The following ADGRB3 variants were observed in gnomAD, a reference collection of about 807,000 sequenced individuals.
ADGRB3 encodes the protein adhesion G protein-coupled receptor B3, also known as brain-specific angiogenesis inhibitor 3.
Under a neutral mutation model 193.4 loss-of-function variants are expected in ADGRB3, and 37 were observed. The ratio of observed to expected loss-of-function variants is 0.19; its 90% CI spans 0.15 to 0.25. The LOEUF is 0.25. ADGRB3 is among the 10% of genes least tolerant of loss of function. The pLI, the probability that ADGRB3 is intolerant of heterozygous loss-of-function variation, is 1.00. For missense variants in ADGRB3, 1,637 were observed against 1,852.9 expected (o/e 0.88, Z 2.14); for synonymous variants, 690 against 644.2 (o/e 1.07, Z -1.08).
chr6:69,214,783 AC>A (rs1310564459), intron 17 of ADGRB3, among the ~76,000 whole-genome samples: 1 of 151,510 alleles, frequency 6.6e-6, no homozygotes, highest in Non-Finnish European at 1.5e-5. Flanking sequence ...AATGGCAAAA[AC>A]CACAATTACA....
intron 17 of ADGRB3, among the ~76,000 whole-genome samples, chr6:69,198,487 T>C (rs892116552): frequency 6.6e-6 from 1 of 151,864 alleles, no homozygotes; most frequent in African/African-American, 2.4e-5. Context: ...TTGGATAAGG[T>C]GATGGGGAAG....
At chr6:68,813,058 T>C (rs1767549312) in intron 3 of ADGRB3, among the ~76,000 whole-genome samples, 2 of 152,142 alleles carry the variant, frequency 1.3e-5, no homozygotes. Flanking sequence ...CTCCCAGAAT[T>C]CCCACGTGTT....
chr6:69,125,881 AG>A (rs1226161015), intron 17 of ADGRB3, among the ~76,000 whole-genome samples: 1 of 152,130 alleles, frequency 6.6e-6, no homozygotes, highest in Non-Finnish European at 1.5e-5. Context: ...CATGTTCTCG[AG>A]ATTTGAACTT....
rs1011953764 is a variant in ADGRB3, at chr6:69,049,605, AAAAAG to A, written c.2333+274_2333+278del. ...AATGCCTTGCCTTGATACTGAAAGA[AAAAAG>A]AAAAGAAAAGAAAAATCACAAGTGT... On this transcript the variant is annotated intron_variant, in intron 15 of 31. Coordinates refer to ENST00000370598, the MANE Select transcript of ADGRB3 (RefSeq NM_001704.3). 3.9e-5 allele frequency among the ~76,000 whole-genome samples: 6 copies of A among 152,258 alleles called. No individual in the cohort carries two copies. The South Asian group carries it at 6.2e-4, about 16-fold the overall frequency.
intron 15 of ADGRB3, among the ~76,000 whole-genome samples, chr6:69,062,169 A>G (rs1162780527): frequency 1.3e-5 from 2 of 151,952 alleles, no homozygotes; most frequent in Non-Finnish European, 2.9e-5. Context: ...TCTAAATACT[A>G]GATGATCTGC....
intron 17 of ADGRB3, among the ~76,000 whole-genome samples, chr6:69,125,051 A>G (rs1773817500): frequency 6.6e-6 from 1 of 152,178 alleles, no homozygotes; most frequent in Admixed American, 6.5e-5. Flanking sequence ...GAATCACTGC[A>G]GGGTCTACAT....
intron 17 of ADGRB3, among the ~76,000 whole-genome samples, chr6:69,109,553 G>A (rs1167999796): frequency 6.6e-6 from 1 of 152,174 alleles, no homozygotes; most frequent in Non-Finnish European, 1.5e-5. Flanking sequence ...TATGAGGTAG[G>A]TATCAGTAAC....
chr6:68,734,283 A>AAGG (rs200751920), intron 3 of ADGRB3, among the ~76,000 whole-genome samples: 3,387 of 152,124 alleles, frequency 0.022, 66 homozygotes, highest in South Asian at 0.074. Flanking sequence ...TACAGGTGGA[A>AAGG]AGGAGCAAGG....
At chr6:69,172,631 G>A (rs550294641) in intron 17 of ADGRB3, among the ~76,000 whole-genome samples, 108 of 99,616 alleles carry the variant, frequency 1.1e-3, no homozygotes, top group East Asian at 3.8e-3. Context: ...GCGACAGAGC[G>A]AGACTCTGTC....
rs1174260835 is a variant in ADGRB3 at position 68,956,813 on chromosome 6, A to G, written c.1525+4A>G. 4 of 1,608,974 alleles carry G rather than the reference A, an allele frequency of 2.5e-6. No individual in the cohort carries two copies. In the South Asian group the frequency reaches 4.4e-5, roughly 18 times the overall value. On this transcript the variant is annotated splice_donor_region_variant and intron_variant, in intron 8 of 31. Coordinates refer to ENST00000370598, the MANE Select transcript of ADGRB3 (RefSeq NM_001704.3). ...TGCAATGAGCAGCGATGCCCTGGTG[A>G]GAATGAACCCAAATTATCCCAAAAG...
At chr6:69,042,825 T>G (rs760205202) in intron 13 of ADGRB3, among the ~76,000 whole-genome samples, 5 of 152,222 alleles carry the variant, frequency 3.3e-5, no homozygotes, top group Non-Finnish European at 7.3e-5. Context: ...TGAAAAATGA[T>G]GCAAACTTCA....
At chr6:68,653,705 G>A (rs1325162839) in intron 3 of ADGRB3, among the ~76,000 whole-genome samples, 2 of 151,990 alleles carry the variant, frequency 1.3e-5, no homozygotes, top group Non-Finnish European at 2.9e-5. Flanking sequence ...TAGAGAGAAG[G>A]TTCTGTGGTC....
chr6:68,639,505 A>G, intron 3 of ADGRB3, 73 bp downstream of exon 3: 1 of 1,433,078 alleles, frequency 7.0e-7, no homozygotes, highest in East Asian at 2.4e-5. Flanking sequence ...TGCTGTTTCA[A>G]CACACAGGCC....
Position 69,306,614 on chromosome 6 carries a change from C to T in ADGRB3, c.2815-18258C>T, listed in dbSNP as rs552065555. On this transcript the variant is annotated intron_variant, in intron 20 of 31. Transcript: ENST00000370598. Reference sequence around the variant, plus strand: ...ATTTAGCCAGCAGTTTACTCATTTGCTTAGCAAGTAAGTGTTTTTATTTCT... The same window carrying T: ...ATTTAGCCAGCAGTTTACTCATTTGTTTAGCAAGTAAGTGTTTTTATTTCT... Among the ~76,000 whole-genome samples the T allele has an allele frequency of 9.9e-4, 150 of 151,614 alleles. 2 individuals are homozygous for T. The South Asian group carries it at 0.031, about 31-fold the overall frequency.
intron 17 of ADGRB3, among the ~76,000 whole-genome samples, chr6:69,172,485 TA>T (rs942801916): frequency 9.5e-5 from 14 of 147,980 alleles, no homozygotes; most frequent in African/African-American, 3.0e-4. Context: ...CTACTAAAAA[TA>T]AAAAAAAATT....
chr6:68,935,620 A>G (rs549468081), intron 4 of ADGRB3, among the ~76,000 whole-genome samples: 79 of 152,298 alleles, frequency 5.2e-4, no homozygotes, highest in Admixed American at 2.2e-3. Flanking sequence ...GGAGAAAACA[A>G]CTGCAAATTT....
intron 23 of ADGRB3, chr6:69,332,022 T>C: frequency 1.0e-6 from 1 of 985,380 alleles, no homozygotes; most frequent in Non-Finnish European, 1.2e-6. Context: ...ACCATCTTCA[T>C]TGGCAGCAGG....
At chr6:69,012,217 TG>T (rs1179121576) in intron 11 of ADGRB3, among the ~76,000 whole-genome samples, 8 of 152,028 alleles carry the variant, frequency 5.3e-5, no homozygotes, top group Non-Finnish European at 1.0e-4. Flanking sequence ...GTTTTTGTTT[TG>T]TTTTGTTTTG....
In ADGRB3 at chr6:68,684,999, A is replaced by G. The variant is rs1431301415; in HGVS notation, c.757+45567A>G. Among the ~76,000 whole-genome samples, 5 of 152,140 alleles carry G rather than the reference A, an allele frequency of 3.3e-5. No homozygotes were observed. In the East Asian group the frequency reaches 9.6e-4, roughly 29 times the overall value. The stretch of plus-strand genomic sequence containing the variant: ...TATTGGTACCATTTACCTTCAGGGA[A>G]AGACTCAACAGACCCTGGGAAACTC... On this transcript the variant is annotated intron_variant, in intron 3 of 31. Transcript: ENST00000370598.
Sources: allele counts gnomAD v4.1 joint callset (sites outside exome capture counted in the v4.1 genomes callset), GRCh38; gene constraint gnomAD v4.1.1; transcripts MANE v1.5; gene names NCBI Gene and HGNC (gene_info 2026-07-23, HGNC 2026-07-21).